NFYA: variants seen among roughly 807,000 people sequenced by gnomAD.
NFYA encodes the protein CAAT-box DNA binding protein subunit A.
A neutral mutation model predicts 52.8 loss-of-function variants in NFYA; 28 were observed. That is an observed-to-expected ratio of 0.53 (90% CI 0.39 to 0.73). The LOEUF is 0.73. Ranked by LOEUF, NFYA falls within the 30% of genes least tolerant of loss-of-function variation. The pLI is 0.00. For synonymous variants in NFYA, 150 were observed against 150.7 expected, an observed-to-expected ratio of 1.00 and a Z score of 0.03; for missense variants, 234 against 427.0, an observed-to-expected ratio of 0.55 and a Z score of 3.98.
chr6:41,101,662 A>C lies in NFYA; in HGVS notation c.*4252A>C, dbSNP rs369170643. ...CAGGGATATGAAGATGGGTAATACC[A>C]GGTGCCTGTCCTCACTGTGTGAGTG... On this transcript the variant is annotated 3_prime_UTR_variant, in exon 10 of 10. Coordinates refer to ENST00000341376, the MANE Select transcript of NFYA (RefSeq NM_002505.5). Among the ~76,000 whole-genome samples the C allele has an allele frequency of 1.3e-5, 2 of 152,202 alleles. No individual in the cohort carries two copies. The highest frequency in any genetic ancestry group is 1.9e-4 in the East Asian group (1 of 5,194).
At chr6:41,096,925 TA>T (rs1764374048) in intron 9 of NFYA, among the ~76,000 whole-genome samples, 2 of 152,236 alleles carry the variant, frequency 1.3e-5, no homozygotes, top group South Asian at 4.1e-4. Flanking sequence ...TTAAAGTGTA[TA>T]GATTCTAATG....
At chr6:41,076,316 C>A (rs1763732615) in intron 1 of NFYA, among the ~76,000 whole-genome samples, 1 of 152,154 alleles carries the variant, frequency 6.6e-6, no homozygotes, top group African/African-American at 2.4e-5. Flanking sequence ...TTTCATGAAA[C>A]TTTCATTTCA....
chr6:41,090,342 T>C (rs1045082084), intron 6 of NFYA, 33 bp downstream of exon 6: 4 of 1,473,208 alleles, frequency 2.7e-6, no homozygotes, highest in African/African-American at 1.4e-5. Context: ...CTAGGACTTT[T>C]TGGGGCAACT....
In NFYA at chr6:41,084,030, T is replaced by C. The variant is rs775649217; in HGVS notation, c.163-16T>C. Reference sequence around the variant, plus strand: ...GTCTTATGTTATTTCATTGTTCTTATTTTATTTCATTCTAGGTCCAAGGGC... The same window carrying C: ...GTCTTATGTTATTTCATTGTTCTTACTTTATTTCATTCTAGGTCCAAGGGC... On this transcript the variant is annotated splice_polypyrimidine_tract_variant and intron_variant, in intron 3 of 9. Coordinates refer to ENST00000341376, the MANE Select transcript of NFYA (RefSeq NM_002505.5). 13 of 1,583,860 alleles carry C rather than the reference T, an allele frequency of 8.2e-6. No homozygotes were observed. Among genetic ancestry groups the C allele is most frequent in the South Asian group, 5.8e-5 (5 of 86,088 alleles).
chr6:41,074,271 C>G (rs962227765), intron 1 of NFYA, among the ~76,000 whole-genome samples: 1 of 152,118 alleles, frequency 6.6e-6, no homozygotes, highest in Non-Finnish European at 1.5e-5. Flanking sequence ...TGGGGTTTTC[C>G]TTAGGGTGAG....
At chr6:41,082,147 T>C (rs1221886883) in intron 3 of NFYA, among the ~76,000 whole-genome samples, 1 of 152,208 alleles carries the variant, frequency 6.6e-6, no homozygotes, top group Non-Finnish European at 1.5e-5. Flanking sequence ...AGCAGATAAC[T>C]ACCTCTTATT....
chr6:41,081,700 ATCTTGTTAATC>A lies in NFYA; in HGVS notation c.162+813_162+823del, dbSNP rs541592742. Among the ~76,000 whole-genome samples the A allele has an allele frequency of 6.1e-3, 928 of 152,292 alleles. 9 individuals are homozygous for A. The highest frequency in any genetic ancestry group is 0.021 in the African/African-American group (855 of 41,564). On this transcript the variant is annotated intron_variant, in intron 3 of 9. Transcript: ENST00000341376. ...TTGGCAAGGTTTATCTAAGCACTGA[ATCTTGTTAATC>A]TCTTGTTAACTGCTATTGTTTCCAC...
chr6:41,100,861 A>G lies in NFYA; in HGVS notation c.*3451A>G, dbSNP rs76209811. 0.1 allele frequency among the ~76,000 whole-genome samples: 15,198 copies of G among 152,222 alleles called. 786 individuals carry two copies. Among genetic ancestry groups the G allele is most frequent in the Middle Eastern group, 0.15 (44 of 294 alleles). On this transcript the variant is annotated 3_prime_UTR_variant, in exon 10 of 10. Coordinates refer to ENST00000341376, the MANE Select transcript of NFYA (RefSeq NM_002505.5). ...CCCCGGGGAAGTAGGCCCCGCTAAGAATGTGGGAAGGTGGTGGGGCGGCGA... is the reference window on the plus strand; with the variant it reads ...CCCCGGGGAAGTAGGCCCCGCTAAGGATGTGGGAAGGTGGTGGGGCGGCGA...
chr6:41,084,007 C>G, intron 3 of NFYA, 39 bp from the exon 4 acceptor site: 1 of 1,548,596 alleles, frequency 6.5e-7, no homozygotes, highest in Non-Finnish European at 8.7e-7. Flanking sequence ...CATTTTGTGT[C>G]TTATGTTATT....
At chr6:41,093,109 A>G (rs1318004613) in intron 8 of NFYA, 24 bp downstream of exon 8, 2 of 1,601,822 alleles carry the variant, frequency 1.2e-6, no homozygotes, top group Admixed American at 3.4e-5. Flanking sequence ...TGGGAAGGAT[A>G]TAGGAAAGGA....
At chr6:41,086,517 TAGG>T (rs1320386633) in intron 4 of NFYA, among the ~76,000 whole-genome samples, 4 of 149,494 alleles carry the variant, frequency 2.7e-5, no homozygotes, top group Non-Finnish European at 4.5e-5. Context: ...CCCCTTTGTA[TAGG>T]AGTTTTTTTT....
chr6:41,094,565 C>A, intron 9 of NFYA, 68 bp downstream of exon 9: 1 of 1,203,230 alleles, frequency 8.3e-7, no homozygotes, highest in Non-Finnish European at 1.2e-6. Flanking sequence ...AAGCCTTCAG[C>A]AGTGTCCTCT....
chr6:41,079,225 T>C, intron 2 of NFYA, 61 bp downstream of exon 2: 1 of 1,493,204 alleles, frequency 6.7e-7, no homozygotes, highest in Non-Finnish European at 9.3e-7. Context: ...CACCACTCAA[T>C]TGGTTGGTCT....
rs374879132 is a variant in NFYA, at chr6:41,074,136, C to T, written c.-62+1052C>T. 2.0e-4 allele frequency among the ~76,000 whole-genome samples: 30 copies of T among 152,232 alleles called. No homozygotes were observed. The East Asian group carries it at 3.9e-3, about 20-fold the overall frequency. ...TTTTTCCCTTTGTTTTTGCCTTCGC[C>T]TTTCTATGTTACTTTGTGTCAGGCT... On this transcript the variant is annotated intron_variant, in intron 1 of 9. Transcript: ENST00000341376.
At chr6:41,078,331 A>G (rs966019777) in intron 1 of NFYA, among the ~76,000 whole-genome samples, 15 of 152,302 alleles carry the variant, frequency 9.8e-5, no homozygotes, top group African/African-American at 3.6e-4. Flanking sequence ...CACGATAATG[A>G]GCAGCTCAGT....
chr6:41,076,821 C>G (rs1763744177), intron 1 of NFYA, among the ~76,000 whole-genome samples: 1 of 152,202 alleles, frequency 6.6e-6, no homozygotes, highest in Non-Finnish European at 1.5e-5. Flanking sequence ...CTAACTGAAG[C>G]TCACAGTAGT....
chr6:41,076,718 C>CAAG (rs1763742414), intron 1 of NFYA, among the ~76,000 whole-genome samples: 1 of 152,206 alleles, frequency 6.6e-6, no homozygotes, highest in Non-Finnish European at 1.5e-5. Flanking sequence ...GTGTTAAGAG[C>CAAG]AAGAGCTAGA....
At chr6:41,080,621 C>T (rs771423023) in intron 2 of NFYA, among the ~76,000 whole-genome samples, 190 bp from the exon 3 acceptor site, 6 of 152,200 alleles carry the variant, frequency 3.9e-5, no homozygotes, top group Non-Finnish European at 5.9e-5. Flanking sequence ...TTGAGGTCCA[C>T]TCTGGAGACA....
chr6:41,088,107 A>C (rs969526340), intron 4 of NFYA, among the ~76,000 whole-genome samples: 1 of 152,186 alleles, frequency 6.6e-6, no homozygotes, highest in Non-Finnish European at 1.5e-5. Flanking sequence ...AAATTATCCT[A>C]GAAGTTAGCA....
Sources: allele counts gnomAD v4.1 joint callset (sites outside exome capture counted in the v4.1 genomes callset), GRCh38; gene constraint gnomAD v4.1.1; transcripts MANE v1.5; gene names NCBI Gene and HGNC (gene_info 2026-07-23, HGNC 2026-07-21).